Variants in SPEF2 observed in about 807,000 individuals in gnomAD.
SPEF2 encodes the protein sperm flagellar and cilia associated 2.
SPEF2 carries 187 observed loss-of-function variants against 224.6 expected under a neutral mutation model. That is an observed-to-expected ratio of 0.83 (90% confidence interval 0.74 to 0.94). The LOEUF (loss-of-function observed/expected upper bound fraction) is 0.94. Ranked by LOEUF, SPEF2 falls within the 40% of genes least tolerant of loss-of-function variation. The pLI, the probability that SPEF2 is intolerant of heterozygous loss-of-function variation, is 0.00. For missense variants in SPEF2, 2,170 were observed against 2,135.6 expected, an observed-to-expected ratio of 1.02 and a Z score of -0.32; for synonymous variants, 715 against 707.3, an observed-to-expected ratio of 1.01 and a Z score of -0.17.
At chr5:35,623,159 G>A (rs1410903811) in intron 1 of SPEF2, among the ~76,000 whole-genome samples, 1 of 152,154 alleles carries the variant, frequency 6.6e-6, no homozygotes, top group Non-Finnish European at 1.5e-5. Context: ...TTTTGAGGAG[G>A]GTTCCAGGAA....
At chr5:35,644,010 TGTTAAA>T (rs1440502967) in intron 3 of SPEF2, among the ~76,000 whole-genome samples, 1 of 152,128 alleles carries the variant, frequency 6.6e-6, no homozygotes, top group African/African-American at 2.4e-5. Flanking sequence ...ATCTCTTATA[TGTTAAA>T]GTTGGTTTAA....
At position 35,642,757 on chromosome 5, in the gene SPEF2, A is replaced by T. The variant is rs1467039445; in HGVS notation, c.414+1074A>T. ...AGTAAATATCAATGGATAGAATTAT[A>T]TTTTTAAATTTAAATTTTGAAGCAG... On this transcript the variant is annotated intron_variant, in intron 3 of 36. Transcript: ENST00000356031. Among the ~76,000 whole-genome samples the T allele has an allele frequency of 2.8e-4, 42 of 152,164 alleles. 1 individual carries two copies. The highest frequency in any genetic ancestry group is 2.7e-3 in the Admixed American group (41 of 15,280).
intron 21 of SPEF2, among the ~76,000 whole-genome samples, chr5:35,734,904 G>A (rs1368157552): frequency 6.6e-6 from 1 of 151,508 alleles, no homozygotes; most frequent in Non-Finnish European, 1.5e-5. Context: ...TAGAGATGGG[G>A]TTTCACCATG....
At chr5:35,696,824 G>A (rs1036661465) in intron 14 of SPEF2, among the ~76,000 whole-genome samples, 10 of 152,152 alleles carry the variant, frequency 6.6e-5, no homozygotes, top group Non-Finnish European at 1.2e-4. Context: ...TTATGACATC[G>A]GGCAGGCCTC....
At chr5:35,671,179 G>A in intron 10 of SPEF2, 2 of 985,294 alleles carry the variant, frequency 2.0e-6, no homozygotes, top group Non-Finnish European at 2.4e-6. Flanking sequence ...TTCACTGATA[G>A]TACATACTCA....
At chr5:35,620,132 A>T (rs370974184) in intron 1 of SPEF2, among the ~76,000 whole-genome samples, 2 of 152,318 alleles carry the variant, frequency 1.3e-5, no homozygotes, top group East Asian at 1.9e-4. Context: ...GAACACACTT[A>T]ACTGTGTTTG....
chr5:35,676,882 C>T (rs1164073134), intron 10 of SPEF2, among the ~76,000 whole-genome samples: 1 of 152,140 alleles, frequency 6.6e-6, no homozygotes, highest in East Asian at 1.9e-4. Flanking sequence ...CATAAACTCT[C>T]CCACCTAAAA....
chr5:35,663,517 C>T (rs1750017526), intron 8 of SPEF2, among the ~76,000 whole-genome samples: 1 of 152,138 alleles, frequency 6.6e-6, no homozygotes, highest in Non-Finnish European at 1.5e-5. Flanking sequence ...CTGCTTCACC[C>T]TTATTCTTCC....
chr5:35,774,044 T>C, intron 28 of SPEF2, 23 bp downstream of exon 28: 1 of 1,607,330 alleles, frequency 6.2e-7, no homozygotes, highest in Non-Finnish European at 8.5e-7. Flanking sequence ...ACGACTAAGA[T>C]GATGCTTTTC....
chr5:35,807,076 T>G, intron 35 of SPEF2, 55 bp from the exon 36 acceptor site: 1 of 1,572,186 alleles, frequency 6.4e-7, no homozygotes, highest in East Asian at 2.2e-5. Context: ...ACCATTTTTT[T>G]TAACATCTAC....
intron 3 of SPEF2, among the ~76,000 whole-genome samples, chr5:35,642,152 T>C (rs939215137): frequency 1.3e-5 from 2 of 152,226 alleles, no homozygotes; most frequent in African/African-American, 2.4e-5. Context: ...CTCAATCTTC[T>C]GGATAAGTCA....
chr5:35,771,872 G>A (rs867682447), intron 27 of SPEF2, 116 bp downstream of exon 27: 3 of 1,240,818 alleles, frequency 2.4e-6, no homozygotes, highest in African/African-American at 3.0e-5. Context: ...TACTCATTAG[G>A]TTTAAACTAG....
intron 23 of SPEF2, among the ~76,000 whole-genome samples, chr5:35,742,136 A>G (rs1747751202): frequency 6.6e-6 from 1 of 152,198 alleles, no homozygotes; most frequent in African/African-American, 2.4e-5. Flanking sequence ...TTTTTCAATA[A>G]ACATTCATCT....
intron 2 of SPEF2, among the ~76,000 whole-genome samples, chr5:35,631,339 G>A (rs1263426852): frequency 6.6e-6 from 1 of 152,236 alleles, no homozygotes; most frequent in Non-Finnish European, 1.5e-5. Context: ...GGAGCTACAA[G>A]TTGAGATTTG....
intron 23 of SPEF2, among the ~76,000 whole-genome samples, chr5:35,742,729 G>A (rs1244752324): frequency 6.6e-6 from 1 of 151,722 alleles, no homozygotes; most frequent in African/African-American, 2.4e-5. Flanking sequence ...GTTCCTTACT[G>A]ACTTCTAAGA....
At chr5:35,754,044 T>G (rs1220961869) in intron 24 of SPEF2, among the ~76,000 whole-genome samples, 1 of 152,064 alleles carries the variant, frequency 6.6e-6, no homozygotes, top group Non-Finnish European at 1.5e-5. Context: ...GAAATAGTGT[T>G]TACAACTGAG....
chr5:35,788,406 A>G (rs1392818331), intron 30 of SPEF2: 1 of 702,712 alleles, frequency 1.4e-6, no homozygotes, highest in Middle Eastern at 2.3e-4. Flanking sequence ...GCTGAAGTAG[A>G]ACGAAAAAAT....
rs190016441 is a variant in SPEF2 at position 35,755,286 on chromosome 5, A to G, written c.3468+1525A>G. 1.7e-3 allele frequency among the ~76,000 whole-genome samples: 261 copies of G among 152,366 alleles called. 1 individual carries two copies. The highest frequency in any genetic ancestry group is 6.2e-3 in the African/African-American group (256 of 41,596). ...CCAGTCTTGATAGCATCCCCACGAC[A>G]TTGGTTTGGGCAAGCAAAAATCAAG... On this transcript the variant is annotated intron_variant, in intron 24 of 36. Transcript: ENST00000356031.
chr5:35,667,746 G>A (rs939471641), intron 9 of SPEF2, among the ~76,000 whole-genome samples: 1 of 152,080 alleles, frequency 6.6e-6, no homozygotes, highest in Admixed American at 6.6e-5. Context: ...TAGAATAGGA[G>A]AAGATATTTC....
Sources: allele counts gnomAD v4.1 joint callset (sites outside exome capture counted in the v4.1 genomes callset), GRCh38; gene constraint gnomAD v4.1.1; transcripts MANE v1.5; gene names NCBI Gene and HGNC (gene_info 2026-07-23, HGNC 2026-07-21).